The following UBQLN2 variants were observed in gnomAD, a reference collection of about 807,000 sequenced individuals.
UBQLN2 encodes ubiquilin 2.
Under a neutral mutation model 22.2 loss-of-function variants are expected in UBQLN2, and 2 were observed. That is an observed-to-expected ratio of 0.09 (90% CI 0.04 to 0.28). The LOEUF is 0.28. Ranked by LOEUF, UBQLN2 falls within the 10% of genes least tolerant of loss-of-function variation. UBQLN2 has a pLI of 1.00. For synonymous variants in UBQLN2, 252 were observed against 206.7 expected (o/e 1.22, Z -1.88); for missense variants, 446 against 505.1 (o/e 0.88, Z 1.12).
Position 56,567,244 on chromosome X carries a change from A to G in UBQLN2, c.*1496A>G, listed in dbSNP as rs1034477986. The stretch of plus-strand genomic sequence containing the variant: ...TAGTTCCATTGAACATTGTGGCACC[A>G]GTACACCAGCCTGTAGATGAGTTAG... On this transcript the variant is annotated 3_prime_UTR_variant, in exon 1 of 1. Coordinates refer to ENST00000338222, the MANE Select transcript of UBQLN2 (RefSeq NM_013444.4). 2 of 123,534 alleles carry G rather than the reference A, an allele frequency of 1.6e-5. No homozygotes were observed. The highest frequency in any genetic ancestry group is 6.5e-5 in the African/African-American group (2 of 30,875). The allele number at this position is 123,534 out of a possible 1,213,427, so 10.2% of individuals were successfully genotyped here.
In UBQLN2 at chrX:56,566,659, A is replaced by G. The variant is rs367748262; in HGVS notation, c.*911A>G. 15 of 123,644 alleles carry G rather than the reference A, an allele frequency of 1.2e-4. No homozygotes were observed. In the East Asian group the frequency reaches 4.2e-3, roughly 34 times the overall value. 10.2% of individuals were successfully genotyped at this position (123,644 alleles called of 1,213,427 possible). ...GTGTCAACATTTGCAGATTGACTGT[A>G]TATGACCTTAATCTTTGTGCAGCCT... On this transcript the variant is annotated 3_prime_UTR_variant, in exon 1 of 1. Transcript: ENST00000338222.
At position 56,565,274 on chromosome X, in the gene UBQLN2, T is replaced by C; in HGVS notation, c.1401T>C (p.Thr467=). 1.7e-6 allele frequency: 2 copies of C among 1,212,081 alleles called. No individual in the cohort carries two copies. The highest frequency in any genetic ancestry group is 2.2e-6 in the Non-Finnish European group (2 of 895,472). Residue 467 remains threonine, a synonymous_variant, in exon 1 of 1, where the codon ACT becomes ACC. Coordinates refer to ENST00000338222, the MANE Select transcript of UBQLN2 (RefSeq NM_013444.4). ...AGCAGGGGCTACAGACATTAGCCAC[T>C]GAAGCACCTGGCCTGATTCCGAGCT... ...QIQQGLQTLA[T]EAPGLIPSFT... is the part of the protein sequence containing the mutation.
Position 56,565,690 on chromosome X carries a change from C to A in UBQLN2, c.1817C>A (p.Ala606Glu), listed in dbSNP as rs1017035950. ...NREANLQALI[A>E]TGGDINAAIE... ...GAAGCAAACTTGCAGGCCCTAATAGCAACAGGAGGCGACATCAATGCAGCC... is the reference window on the plus strand; with the variant it reads ...GAAGCAAACTTGCAGGCCCTAATAGAAACAGGAGGCGACATCAATGCAGCC... Residue 606 changes from alanine to glutamate, a missense_variant, in exon 1 of 1, where the codon GCA becomes GAA. Ala to Glu is a moderately radical substitution (Grantham distance 107). Coordinates refer to ENST00000338222, the MANE Select transcript of UBQLN2 (RefSeq NM_013444.4). The A allele has an allele frequency of 8.3e-7, 1 of 1,211,529 alleles. No homozygotes were observed.
In UBQLN2 at chrX:56,565,055, C is replaced by T; in HGVS notation, c.1182C>T (p.Ser394=). The T allele has an allele frequency of 8.3e-7, 1 of 1,211,909 alleles. No individual in the cohort carries two copies. Among genetic ancestry groups the T allele is most frequent in the Non-Finnish European group, 1.1e-6 (1 of 895,381 alleles). ...QNMLSAPYMR[S]MMQSLSQNPD... ...TGCTGTCGGCGCCCTACATGAGAAG[C>T]ATGATGCAGTCGCTGAGCCAGAATC... is the stretch of plus-strand genomic sequence containing the variant. Residue 394 remains serine (S), a synonymous_variant, in exon 1 of 1, where the codon AGC becomes AGT. Coordinates refer to ENST00000338222, the MANE Select transcript of UBQLN2 (RefSeq NM_013444.4).
Position 56,564,017 on chromosome X carries a change from G to A in UBQLN2, c.144G>A (p.Val48=), listed in dbSNP as rs1438489280. 2.5e-6 allele frequency: 3 copies of A among 1,181,550 alleles called. No homozygotes were observed. Among genetic ancestry groups the A allele is most frequent in the Non-Finnish European group, 3.4e-6 (3 of 879,617 alleles). Residue 48 remains valine, a synonymous_variant, in exon 1 of 1, where the codon GTG becomes GTA. Coordinates refer to ENST00000338222, the MANE Select transcript of UBQLN2 (RefSeq NM_013444.4). Reference sequence around the variant, plus strand: ...CCAAAGAGAAAGAGGAGTTCGCGGTGCCCGAGAACAGCTCGGTTCAGCAGT... The same window carrying A: ...CCAAAGAGAAAGAGGAGTTCGCGGTACCCGAGAACAGCTCGGTTCAGCAGT... ...KTPKEKEEFA[V]PENSSVQQFK...
rs2068643179 is a variant in UBQLN2, at chrX:56,566,482, G to A, written c.*734G>A. 1 of 123,486 alleles carries A rather than the reference G, an allele frequency of 8.1e-6. No homozygotes were observed. The highest frequency in any genetic ancestry group is 3.7e-4 in the South Asian group (1 of 2,739). 10.2% of individuals were successfully genotyped at this position (123,486 alleles called of 1,213,427 possible). ...AAGAAATGTTTCTGGAGCTAGTTATGTCTCACAATTTTGTAGAATCTTACA... is the reference window on the plus strand; with the variant it reads ...AAGAAATGTTTCTGGAGCTAGTTATATCTCACAATTTTGTAGAATCTTACA... On this transcript the variant is annotated 3_prime_UTR_variant, in exon 1 of 1. Transcript: ENST00000338222.
In UBQLN2 at chrX:56,565,155, C is replaced by G; in HGVS notation, c.1282C>G (p.Pro428Ala). The change falls in exon 1 of 1, where the codon CCA (proline) becomes GCA (alanine). Residue 428 changes from proline (P) to alanine (A), a missense_variant. Transcript: ENST00000338222. ...ANPQLQEQMR[P>A]QLPAFLQQMQ... is the part of the protein sequence containing the mutation. ...TCCTCAGCTGCAGGAGCAGATGCGG[C>G]CACAGCTCCCAGCCTTCCTGCAGCA... 8.3e-7 allele frequency: 1 copy of G among 1,211,673 alleles called. No individual in the cohort carries two copies. Among genetic ancestry groups the G allele is most frequent in the Non-Finnish European group, 1.1e-6 (1 of 895,181 alleles).
In UBQLN2 at chrX:56,565,104, C is replaced by T; in HGVS notation, c.1231C>T (p.Leu411=). 1 of 1,211,874 alleles carries T rather than the reference C, an allele frequency of 8.3e-7. No individual in the cohort carries two copies. The highest frequency in any genetic ancestry group is 2.2e-5 in the Admixed American group (1 of 46,090). ...TCCAGATTTGGCTGCACAGATGATG[C>T]TGAATAGCCCGCTGTTTACTGCAAA... ...QNPDLAAQMM[L]NSPLFTANPQ... Residue 411 remains leucine (L), a synonymous_variant, in exon 1 of 1, where the codon CTG becomes TTG. Coordinates refer to ENST00000338222, the MANE Select transcript of UBQLN2 (RefSeq NM_013444.4).
Position 56,565,484 on chromosome X carries a change from T to C in UBQLN2, c.1611T>C (p.Thr537=), listed in dbSNP as rs2068637543. The part of the protein sequence containing the change: ...STGSGGPTGP[T]VSSAAPSETT... ...GCTCTGGTGGCCCCACGGGGCCTAC[T>C]GTGTCCAGCGCTGCACCTAGTGAAA... The change falls in exon 1 of 1, where the codon ACT becomes ACC. Residue 537 remains threonine (T), a synonymous_variant. Transcript: ENST00000338222. The C allele has an allele frequency of 3.3e-6, 4 of 1,204,620 alleles. No homozygotes were observed. Among genetic ancestry groups the C allele is most frequent in the Non-Finnish European group, 4.5e-6 (4 of 891,539 alleles).
chrX:56,564,251 G>C lies in UBQLN2; in HGVS notation c.378G>C (p.Ala126=), dbSNP rs910645599. 2.5e-6 allele frequency: 3 copies of C among 1,209,050 alleles called. No homozygotes were observed. Among genetic ancestry groups the C allele is most frequent in the Non-Finnish European group, 3.4e-6 (3 of 894,930 alleles). ...CCGCGGGAACTAACACTACCTCGGC[G>C]TCGACTCCCAGGAGTAACTCCACAC... ...SNAAGTNTTS[A]STPRSNSTPI... Residue 126 remains alanine, a synonymous_variant, in exon 1 of 1, where the codon GCG becomes GCC. Coordinates refer to ENST00000338222, the MANE Select transcript of UBQLN2 (RefSeq NM_013444.4).
At position 56,564,599 on chromosome X, in the gene UBQLN2, C is replaced by G; in HGVS notation, c.726C>G (p.Ala242=). Residue 242 remains alanine (A), a synonymous_variant, in exon 1 of 1, where the codon GCC becomes GCG. Transcript: ENST00000338222. ...RQTLEIARNP[A]MMQEMMRNQD... ...CACTCGAAATTGCCAGGAATCCAGC[C>G]ATGATGCAAGAGATGATGAGAAATC... is the stretch of plus-strand genomic sequence containing the variant. 2 of 1,211,630 alleles carry G rather than the reference C, an allele frequency of 1.7e-6. No homozygotes were observed. The highest frequency in any genetic ancestry group is 2.2e-6 in the Non-Finnish European group (2 of 895,462).
At position 56,564,103 on chromosome X, in the gene UBQLN2, C is replaced by T; in HGVS notation, c.230C>T (p.Ala77Val). 1 of 1,209,546 alleles carries T rather than the reference C, an allele frequency of 8.3e-7. No homozygotes were observed. The highest frequency in any genetic ancestry group is 1.1e-6 in the Non-Finnish European group (1 of 893,897). ...ACCGATCAGCTAGTGCTGATTTTTG[C>T]CGGAAAAATCTTAAAAGATCAAGAT... is the stretch of plus-strand genomic sequence containing the variant. ...SQTDQLVLIF[A>V]GKILKDQDTL... Residue 77 changes from alanine to valine, a missense_variant, in exon 1 of 1, where the codon GCC (alanine) becomes GTC (valine). Physicochemically the swap from Ala to Val is moderately conservative, Grantham distance 64. This residue lies in a region of UBQLN2 where 129 missense variants were observed against 198.1 expected (regional missense o/e 0.65). Transcript: ENST00000338222.
Position 56,565,321 on chromosome X carries a change from G to A in UBQLN2, c.1448G>A (p.Gly483Glu). 8.3e-7 allele frequency: 1 copy of A among 1,210,975 alleles called. No individual in the cohort carries two copies. Among genetic ancestry groups the A allele is most frequent in the Non-Finnish European group, 1.1e-6 (1 of 894,910 alleles). Residue 483 changes from glycine to glutamate, a missense_variant, in exon 1 of 1, where the codon GGG becomes GAG. Gly to Glu is a moderately conservative substitution (Grantham distance 98). Around this residue, in one of 3 missense-constraint regions of UBQLN2, gnomAD observed 278 missense variants for 279.4 expected, o/e 1.00. Coordinates refer to ENST00000338222, the MANE Select transcript of UBQLN2 (RefSeq NM_013444.4). The stretch of plus-strand genomic sequence containing the variant: ...AGCTTCACTCCAGGTGTGGGGGTGG[G>A]GGTGCTGGGAACCGCTATAGGCCCT... ...IPSFTPGVGVGVLGTAIGPVG... is the reference protein window; with the variant it reads ...IPSFTPGVGVEVLGTAIGPVG...
Position 56,564,651 on chromosome X carries a change from A to G in UBQLN2, c.778A>G (p.Ser260Gly), listed in dbSNP as rs1447806138. 1.7e-6 allele frequency: 2 copies of G among 1,208,721 alleles called. No homozygotes were observed. Among genetic ancestry groups the G allele is most frequent in the Non-Finnish European group, 2.2e-6 (2 of 894,389 alleles). The change falls in exon 1 of 1, where the codon AGC (serine) becomes GGC (glycine). Residue 260 changes from serine to glycine, a missense_variant. Coordinates refer to ENST00000338222, the MANE Select transcript of UBQLN2 (RefSeq NM_013444.4). ...NQDLALSNLE[S>G]IPGGYNALRR... Reference sequence around the variant, plus strand: ...AGACCTGGCTCTTAGCAATCTAGAAAGCATCCCAGGTGGCTATAATGCTTT... The same window carrying G: ...AGACCTGGCTCTTAGCAATCTAGAAGGCATCCCAGGTGGCTATAATGCTTT...
chrX:56,564,428 A>T lies in UBQLN2; in HGVS notation c.555A>T (p.Ile185=), dbSNP rs2068630979. ...LMASPEMMIQ[I]MENPFVQSML... ...CCAGCCCTGAGATGATGATCCAAAT[A>T]ATGGAAAATCCCTTTGTTCAGAGCA... The change falls in exon 1 of 1, where the codon ATA becomes ATT. Residue 185 remains isoleucine (I), a synonymous_variant. Coordinates refer to ENST00000338222, the MANE Select transcript of UBQLN2 (RefSeq NM_013444.4). 8.3e-7 allele frequency: 1 copy of T among 1,209,527 alleles called. No individual in the cohort carries two copies. The highest frequency in any genetic ancestry group is 1.8e-5 in the African/African-American group (1 of 56,947).
rs1057515975 is a variant in UBQLN2 at position 56,563,818 on chromosome X, G to GCT, written c.-49_-48dup. On this transcript the variant is annotated 5_prime_UTR_variant, in exon 1 of 1. Coordinates refer to ENST00000338222, the MANE Select transcript of UBQLN2 (RefSeq NM_013444.4). ...CCTCCTTCCTTCCTCCTTCCCTCGC[G>GCT]CTCTCTCTTTCGCCCGCCCGCGCCT... 19 of 954,425 alleles carry GCT rather than the reference G, an allele frequency of 2.0e-5. No individual in the cohort carries two copies. In the Admixed American group the frequency reaches 6.0e-4, roughly 30 times the overall value. The allele number at this position is 954,425 out of a possible 1,213,427, so 78.7% of individuals were successfully genotyped here.
At position 56,564,782 on chromosome X, in the gene UBQLN2, A is replaced by G; in HGVS notation, c.909A>G (p.Glu303=). The change falls in exon 1 of 1, where the codon GAA becomes GAG. Residue 303 remains glutamate (E), a synonymous_variant. Transcript: ENST00000338222. The part of the protein sequence containing the change: ...ASVGSSSSSG[E]GTQPSRTENR... The stretch of plus-strand genomic sequence containing the variant: ...TGGGGAGTAGTTCCTCCTCTGGGGA[A>G]GGTACGCAGCCTTCCCGCACAGAAA... The G allele has an allele frequency of 1.7e-6, 2 of 1,211,325 alleles. No individual in the cohort carries two copies. Among genetic ancestry groups the G allele is most frequent in the Non-Finnish European group, 2.2e-6 (2 of 895,396 alleles).
rs892965715 is a variant in UBQLN2 at position 56,567,005 on chromosome X, C to T, written c.*1257C>T. 1 of 122,394 alleles carries T rather than the reference C, an allele frequency of 8.2e-6. No individual in the cohort carries two copies. The highest frequency in any genetic ancestry group is 2.8e-4 in the East Asian group (1 of 3,591). The allele number at this position is 122,394 out of a possible 1,213,427, so 10.1% of individuals were successfully genotyped here. On this transcript the variant is annotated 3_prime_UTR_variant, in exon 1 of 1. Coordinates refer to ENST00000338222, the MANE Select transcript of UBQLN2 (RefSeq NM_013444.4). Reference sequence around the variant, plus strand: ...TCGTGTTTAGGAGGATTATCCCACCCCGAGATTATATAAATCTTATCCTAT... The same window carrying T: ...TCGTGTTTAGGAGGATTATCCCACCTCGAGATTATATAAATCTTATCCTAT...
At position 56,565,479 on chromosome X, in the gene UBQLN2, C is replaced by T; in HGVS notation, c.1606C>T (p.Pro536Ser). Residue 536 changes from proline (P) to serine (S), a missense_variant, in exon 1 of 1, where the codon CCT becomes TCT. Around this residue, in one of 3 missense-constraint regions of UBQLN2, gnomAD observed 278 missense variants for 279.4 expected, o/e 1.00. Coordinates refer to ENST00000338222, the MANE Select transcript of UBQLN2 (RefSeq NM_013444.4). ...CACCGGCTCTGGTGGCCCCACGGGG[C>T]CTACTGTGTCCAGCGCTGCACCTAG... is the stretch of plus-strand genomic sequence containing the variant. ...GSTGSGGPTG[P>S]TVSSAAPSET... 8.3e-7 allele frequency: 1 copy of T among 1,202,926 alleles called. No individual in the cohort carries two copies. Among genetic ancestry groups the T allele is most frequent in the Non-Finnish European group, 1.1e-6 (1 of 890,719 alleles).
Sources: gnomAD v4.1 joint callset for allele counts on GRCh38, gnomAD v4.1.1 for gene constraint, gnomAD v4.1.1 regional missense constraint, MANE v1.5 for transcripts, NCBI Gene and HGNC (gene_info 2026-07-23, HGNC 2026-07-21) for gene names.